The following BABAM2 variants were observed in gnomAD, a reference collection of about 807,000 sequenced individuals.
BABAM2 encodes BRISC and BRCA1-A complex member 2.
In BABAM2, 31 loss-of-function variants were observed where a neutral mutation model predicts 54.7. The observed-to-expected ratio is 0.57, with a 90% confidence interval of 0.43 to 0.77. BABAM2 has a LOEUF of 0.77. BABAM2 is among the 30% of genes least tolerant of loss of function. The pLI is 0.00. For missense variants in BABAM2, 364 were observed against 455.8 expected (o/e 0.80, Z 1.83); for synonymous variants, 167 against 162.9 (o/e 1.03, Z -0.19).
At chr2:27,949,835 T>G (rs776558581) in intron 3 of BABAM2, among the ~76,000 whole-genome samples, 2 of 152,224 alleles carry the variant, frequency 1.3e-5, no homozygotes, top group Non-Finnish European at 2.9e-5. Context: ...TCTGGTAATT[T>G]GAATTCTAGT....
intron 3 of BABAM2, among the ~76,000 whole-genome samples, chr2:27,946,378 T>C (rs191118827): frequency 3.1e-4 from 47 of 152,372 alleles, no homozygotes; most frequent in Admixed American, 9.8e-4. Context: ...ATCCTTCTGA[T>C]GTATTACTGG....
chr2:27,943,466 A>C (rs1383292254), intron 3 of BABAM2, among the ~76,000 whole-genome samples: 1 of 152,204 alleles, frequency 6.6e-6, no homozygotes, highest in Non-Finnish European at 1.5e-5. Context: ...TGGCTTTAGC[A>C]GGACAAACCA....
At chr2:28,243,055 T>C (rs1320932195) in intron 9 of BABAM2, among the ~76,000 whole-genome samples, 1 of 152,200 alleles carries the variant, frequency 6.6e-6, no homozygotes, top group East Asian at 1.9e-4. Context: ...GTATAAGAAA[T>C]ATATGAAAAT....
intron 3 of BABAM2, among the ~76,000 whole-genome samples, chr2:27,986,424 G>A (rs889852598): frequency 1.4e-4 from 22 of 152,158 alleles, no homozygotes; most frequent in African/African-American, 5.1e-4. Flanking sequence ...TTCGGTGGAT[G>A]AGTGAATGTA....
chr2:28,316,258 C>T (rs1295087290), intron 11 of BABAM2, among the ~76,000 whole-genome samples: 1 of 152,072 alleles, frequency 6.6e-6, no homozygotes, highest in Admixed American at 6.5e-5. Flanking sequence ...GGCTCACCTG[C>T]CTGCTAGCCT....
At chr2:28,265,091 G>T (rs1459290061) in intron 10 of BABAM2, among the ~76,000 whole-genome samples, 2 of 152,108 alleles carry the variant, frequency 1.3e-5, no homozygotes, top group African/African-American at 4.8e-5. Context: ...TTCTAATTCT[G>T]GTCTTGTTTT....
chr2:28,308,140 A>G (rs1227288196), intron 11 of BABAM2: 1 of 317,420 alleles, frequency 3.2e-6, no homozygotes, highest in Non-Finnish European at 6.1e-6. Context: ...AGGGCTCAAC[A>G]TAGGTCCTCA....
At chr2:28,098,574 T>A (rs1666812467) in intron 6 of BABAM2, among the ~76,000 whole-genome samples, 1 of 152,202 alleles carries the variant, frequency 6.6e-6, no homozygotes, top group Non-Finnish European at 1.5e-5. Context: ...AATTGCCTAT[T>A]CAGTCAAGTA....
At chr2:27,927,327 A>T (rs1667778551) in intron 2 of BABAM2, among the ~76,000 whole-genome samples, 1 of 152,246 alleles carries the variant, frequency 6.6e-6, no homozygotes, top group Admixed American at 6.5e-5. Flanking sequence ...CTGTACTTCG[A>T]ATAACTTCAG....
chr2:27,989,165 G>C (rs17006408), intron 4 of BABAM2, among the ~76,000 whole-genome samples: 31 of 151,854 alleles, frequency 2.0e-4, no homozygotes, highest in Admixed American at 7.2e-4. Flanking sequence ...TGTGTGTTAC[G>C]TATTCACCCC....
At chr2:27,891,803 G>A (rs1664873882) in intron 1 of BABAM2, among the ~76,000 whole-genome samples, 1 of 150,244 alleles carries the variant, frequency 6.7e-6, no homozygotes, top group Admixed American at 6.7e-5. Flanking sequence ...TGGCTGCCCT[G>A]GAAATAGAAT....
intron 3 of BABAM2, among the ~76,000 whole-genome samples, chr2:27,955,084 C>G (rs1488258602): frequency 6.6e-6 from 1 of 152,188 alleles, no homozygotes; most frequent in Admixed American, 6.5e-5. Context: ...TCAGACTGCT[C>G]TCTCAGAAAT....
chr2:27,926,458 A>G (rs891165918), intron 2 of BABAM2, among the ~76,000 whole-genome samples: 6 of 152,200 alleles, frequency 3.9e-5, no homozygotes, highest in African/African-American at 7.2e-5. Context: ...CTTTCCCAGA[A>G]CTTGGCATGG....
At chr2:28,139,703 T>G (rs1670879723) in intron 7 of BABAM2, among the ~76,000 whole-genome samples, 1 of 152,238 alleles carries the variant, frequency 6.6e-6, no homozygotes, top group Non-Finnish European at 1.5e-5. Flanking sequence ...GATTCCAGTT[T>G]TCTACAAGGA....
chr2:28,002,430 G>T (rs1156698879), intron 4 of BABAM2, among the ~76,000 whole-genome samples: 1 of 152,068 alleles, frequency 6.6e-6, no homozygotes, highest in African/African-American at 2.4e-5. Flanking sequence ...TTTTGTGATT[G>T]TTATTAATTA....
At chr2:28,306,995 CTTTTTTTTTTTT>C (rs143177903) in intron 11 of BABAM2, among the ~76,000 whole-genome samples, 2 of 26,358 alleles carry the variant, frequency 7.6e-5, no homozygotes, top group South Asian at 1.9e-3. Flanking sequence ...CACACCTGGC[CTTTTTTTTTTTT>C]TTTTTTTTTT....
At chr2:28,022,125 G>A (rs898878054) in intron 4 of BABAM2, among the ~76,000 whole-genome samples, 8 of 152,206 alleles carry the variant, frequency 5.3e-5, no homozygotes, top group African/African-American at 1.9e-4. Flanking sequence ...ACATAGGTAC[G>A]TGATGGAGTG....
intron 6 of BABAM2, among the ~76,000 whole-genome samples, chr2:28,086,626 T>C (rs1361254222): frequency 6.6e-6 from 1 of 152,228 alleles, no homozygotes; most frequent in Non-Finnish European, 1.5e-5. Context: ...AAGGGCCTTA[T>C]CTATTTTTCT....
chr2:28,130,668 A>G (rs1573642594), intron 7 of BABAM2, among the ~76,000 whole-genome samples: 1 of 152,034 alleles, frequency 6.6e-6, no homozygotes. Flanking sequence ...TGCCCAGGCT[A>G]GTCTCAAACT....
Sources: gnomAD v4.1 joint callset for allele counts (sites outside exome capture counted in the v4.1 genomes callset) on GRCh38, gnomAD v4.1.1 for gene constraint, MANE v1.5 for transcripts, NCBI Gene and HGNC (gene_info 2026-07-23, HGNC 2026-07-21) for gene names.